The following CORO2B variants were observed in gnomAD, a reference collection of about 807,000 sequenced individuals.
CORO2B encodes coronin 2B.
In CORO2B, 26 loss-of-function variants were observed where a neutral mutation model predicts 58.8. The observed-to-expected ratio is 0.44, with a 90% confidence interval of 0.32 to 0.61. The LOEUF is 0.61. Among genes scored for constraint, CORO2B ranks in the 20% least tolerant of loss-of-function variants. The pLI, the probability that CORO2B is intolerant of heterozygous loss-of-function variation, is 0.04. For missense variants in CORO2B, 460 were observed against 645.1 expected (o/e 0.71, Z 3.11); for synonymous variants, 242 against 253.8 (o/e 0.95, Z 0.44).
the CORO2B span, among the ~76,000 whole-genome samples, chr15:68,573,051 G>C: frequency 6.6e-6 from 1 of 152,114 alleles, no homozygotes; most frequent in African/African-American, 2.4e-5. Flanking sequence ...AGAGGGGGTC[G>C]GGACCAAGAG....
At chr15:68,577,087 G>T (rs769791190), upstream of CORO2B, among the ~76,000 whole-genome samples, 13 of 152,152 alleles carry the variant, frequency 8.5e-5, no homozygotes, top group Non-Finnish European at 1.5e-4. Flanking sequence ...CTTAGGAAGG[G>T]TTTTGCACAG....
intron 1 of CORO2B, among the ~76,000 whole-genome samples, chr15:68,599,518 G>A (rs183487162): frequency 1.4e-3 from 209 of 152,304 alleles, no homozygotes; most frequent in Non-Finnish European, 2.2e-3. Context: ...TTCATCAGAG[G>A]GAGCAGAATA....
At chr15:68,599,655 A>C (rs1456265933) in intron 1 of CORO2B, among the ~76,000 whole-genome samples, 1 of 152,006 alleles carries the variant, frequency 6.6e-6, no homozygotes, top group Non-Finnish European at 1.5e-5. Context: ...ATTCTAAAGG[A>C]GGGAATGCAC....
intron 1 of CORO2B, among the ~76,000 whole-genome samples, chr15:68,639,425 A>G (rs771298376): frequency 6.6e-6 from 1 of 152,222 alleles, no homozygotes; most frequent in Non-Finnish European, 1.5e-5. Context: ...ACACCCTAAA[A>G]GGAGGTGGCT....
intron 1 of CORO2B, among the ~76,000 whole-genome samples, chr15:68,584,599 C>T (rs1286308049): frequency 2.0e-5 from 3 of 152,234 alleles, no homozygotes; most frequent in East Asian, 1.9e-4. Context: ...GGTGGAGTCT[C>T]GGCTCCTGGC....
chr15:68,642,602 C>T (rs1566993179), intron 1 of CORO2B, among the ~76,000 whole-genome samples: 1 of 152,354 alleles, frequency 6.6e-6, no homozygotes, highest in East Asian at 1.9e-4. Context: ...CTCCACGACT[C>T]ACCTAGGCTG....
intron 2 of CORO2B, among the ~76,000 whole-genome samples, chr15:68,650,336 A>T: frequency 8.0e-6 from 1 of 124,514 alleles, no homozygotes; most frequent in Non-Finnish European, 1.6e-5. Flanking sequence ...CAGCCTGGGC[A>T]ACAAGAGCGA....
In CORO2B at chr15:68,645,440, C is replaced by A; in HGVS notation, c.216+80C>A. The A allele has an allele frequency of 1.5e-6, 2 of 1,350,814 alleles. No individual in the cohort carries two copies. The highest frequency in any genetic ancestry group is 2.0e-6 in the Non-Finnish European group (2 of 983,380). 83.7% of individuals were successfully genotyped at this position (1,350,814 alleles called of 1,614,324 possible). A position where few individuals can be genotyped will look rare whatever the true frequency, so the allele number is the denominator to read the frequency against. On this transcript the variant is annotated intron_variant, in intron 2 of 11. Transcript: ENST00000261861. The surrounding 1 kb of genome is among the most constrained non-coding windows in gnomAD (Gnocchi z 4.5). ...CCTTGGTCTCTCTTAGGCCTGTTGA[C>A]CCTACTTCTCTCTGAGTTCCCACCT...
chr15:68,685,769 G>A (rs72748570), intron 2 of CORO2B, among the ~76,000 whole-genome samples: 39 of 152,058 alleles, frequency 2.6e-4, no homozygotes, highest in African/African-American at 7.5e-4. Flanking sequence ...TTGTTTGATT[G>A]ATTAAACACT....
chr15:68,655,290 A>AGCTG (rs1272407036), intron 2 of CORO2B, among the ~76,000 whole-genome samples: 1 of 152,214 alleles, frequency 6.6e-6, no homozygotes, highest in Admixed American at 6.5e-5. Context: ...CTTGGAGTCT[A>AGCTG]GCTGGCTCAG....
At chr15:68,571,292 T>A in the CORO2B span, among the ~76,000 whole-genome samples, 1 of 152,240 alleles carries the variant, frequency 6.6e-6, no homozygotes, top group Non-Finnish European at 1.5e-5. Context: ...AAATACACAG[T>A]AGTAGGGGAC....
intron 1 of CORO2B, among the ~76,000 whole-genome samples, chr15:68,583,771 T>A: frequency 6.6e-6 from 1 of 152,240 alleles, no homozygotes; most frequent in East Asian, 1.9e-4. Context: ...ACCTCGTTCC[T>A]GTCTGGGTCT....
chr15:68,720,029 G>A (rs539273837), intron 11 of CORO2B, among the ~76,000 whole-genome samples: 69 of 152,280 alleles, frequency 4.5e-4, no homozygotes, highest in African/African-American at 1.5e-3. Context: ...GGGGCAGCTC[G>A]GCTGGGCCTT....
chr15:68,593,475 G>A (rs728401), intron 1 of CORO2B, among the ~76,000 whole-genome samples: 101,293 of 152,010 alleles, frequency 0.67, 34,503 homozygotes, highest in East Asian at 0.87. Flanking sequence ...GCCAGGTCTG[G>A]ATGTAGCCCT....
the CORO2B span, among the ~76,000 whole-genome samples, chr15:68,524,351 G>T: frequency 6.6e-6 from 1 of 152,106 alleles, no homozygotes; most frequent in African/African-American, 2.4e-5. Flanking sequence ...TTGTTTTAAT[G>T]ATATTAATAT....
chr15:68,625,398 C>T, intron 1 of CORO2B, among the ~76,000 whole-genome samples: 1 of 152,072 alleles, frequency 6.6e-6, no homozygotes, highest in East Asian at 1.9e-4. Context: ...TATCATGATA[C>T]AGAACATCTC....
At chr15:68,707,429 G>C (rs995730060) in intron 3 of CORO2B, among the ~76,000 whole-genome samples, 2 of 152,116 alleles carry the variant, frequency 1.3e-5, no homozygotes, top group Non-Finnish European at 2.9e-5. Context: ...CTTGGATTAC[G>C]AGCATGTTTG....
In CORO2B at chr15:68,614,564, T is replaced by G. The variant is rs182623295; in HGVS notation, c.16-30596T>G. Among the ~76,000 whole-genome samples the G allele has an allele frequency of 1.3e-3, 205 of 152,296 alleles. 1 individual carries two copies. The highest frequency in any genetic ancestry group is 4.7e-3 in the African/African-American group (197 of 41,558). ...TATTTTAAAGAAAAGACATGGGGAC[T>G]AAGACAAGGAGAGCTCCTGAATGAC... On this transcript the variant is annotated intron_variant, in intron 1 of 11. Transcript: ENST00000261861.
At position 68,709,632 on chromosome 15, in the gene CORO2B, T is replaced by C. The variant is rs557304438; in HGVS notation, c.334-1100T>C. On this transcript the variant is annotated intron_variant, in intron 3 of 11. Transcript: ENST00000261861. ...CCACTACACCCGGCTAATTTTTGTT[T>C]CTTTGGTAGAGGCACGGTCTCGCTG... 4.6e-5 allele frequency among the ~76,000 whole-genome samples: 7 copies of C among 152,194 alleles called. No individual in the cohort carries two copies. In the East Asian group the frequency reaches 1.4e-3, roughly 29 times the overall value.
Sources: gnomAD v4.1 joint callset for allele counts (sites outside exome capture counted in the v4.1 genomes callset) on GRCh38, gnomAD v4.1.1 for gene constraint, Gnocchi (gnomAD v3.1) non-coding constraint, MANE v1.5 for transcripts, NCBI Gene and HGNC (gene_info 2026-07-23, HGNC 2026-07-21) for gene names.